CALN1: variants seen among roughly 807,000 people sequenced by gnomAD.
CALN1 encodes the protein calcium-binding protein 8.
A neutral mutation model predicts 30.6 loss-of-function variants in CALN1; 17 were observed. The observed-to-expected ratio is 0.56, with a 90% confidence interval of 0.38 to 0.83. The LOEUF (loss-of-function observed/expected upper bound fraction) is 0.83. CALN1 is among the 40% of genes least tolerant of loss of function. The pLI is 0.00. For missense variants in CALN1, 291 were observed against 354.9 expected, an observed-to-expected ratio of 0.82 and a Z score of 1.45; for synonymous variants, 156 against 131.4, an observed-to-expected ratio of 1.19 and a Z score of -1.28.
chr7:72,054,460 T>TATATACATACATATATATATAC (rs1450817880), intron 4 of CALN1, among the ~76,000 whole-genome samples: 23 of 78,554 alleles, frequency 2.9e-4, no homozygotes, highest in Non-Finnish European at 6.5e-4. Flanking sequence ...TATATATACA[T>TATATACATACATATATATATAC]ATATATACAT....
At chr7:71,933,467 G>A (rs911463484) in intron 5 of CALN1, among the ~76,000 whole-genome samples, 3 of 152,020 alleles carry the variant, frequency 2.0e-5, no homozygotes, top group Admixed American at 6.6e-5. Context: ...TTAAACCTCC[G>A]CTCCTAAACT....
chr7:72,217,989 C>T (rs1792968426), intron 3 of CALN1, among the ~76,000 whole-genome samples: 1 of 151,308 alleles, frequency 6.6e-6, no homozygotes, highest in Admixed American at 6.6e-5. Context: ...ACTACAGGTG[C>T]CTGCCACTGC....
chr7:72,045,983 C>T (rs964664986), intron 4 of CALN1, among the ~76,000 whole-genome samples: 3 of 124,832 alleles, frequency 2.4e-5, no homozygotes, highest in South Asian at 2.6e-4. Flanking sequence ...TGGGCAACAG[C>T]GAGACTCCCT....
At chr7:72,300,534 T>C (rs1799185135) in intron 2 of CALN1, among the ~76,000 whole-genome samples, 1 of 152,202 alleles carries the variant, frequency 6.6e-6, no homozygotes, top group African/African-American at 2.4e-5. Flanking sequence ...TTTAATGACA[T>C]CCAAACATCT....
At chr7:72,258,457 C>G (rs1372798537) in intron 3 of CALN1, among the ~76,000 whole-genome samples, 1 of 152,192 alleles carries the variant, frequency 6.6e-6, no homozygotes, top group East Asian at 1.9e-4. Flanking sequence ...AAGAGAAGAA[C>G]TCCATCAATC....
At chr7:72,341,869 G>A (rs1454963642) in intron 2 of CALN1, among the ~76,000 whole-genome samples, 1 of 152,010 alleles carries the variant, frequency 6.6e-6, no homozygotes. Flanking sequence ...CAAGTGAATA[G>A]TCAACACAAA....
chr7:72,395,686 G>A (rs563883371), intron 2 of CALN1, among the ~76,000 whole-genome samples: 2 of 152,146 alleles, frequency 1.3e-5, no homozygotes, highest in Non-Finnish European at 2.9e-5. Flanking sequence ...CTCCAGGAGG[G>A]TGAAAGAGTG....
intron 5 of CALN1, among the ~76,000 whole-genome samples, chr7:71,922,795 A>G (rs896683581): frequency 9.9e-5 from 14 of 141,448 alleles, no homozygotes; most frequent in African/African-American, 3.4e-4. Context: ...TAACAGACCG[A>G]ATATATTATA....
chr7:72,098,166 A>G (rs1227986628), intron 4 of CALN1, among the ~76,000 whole-genome samples: 1 of 152,176 alleles, frequency 6.6e-6, no homozygotes, highest in Non-Finnish European at 1.5e-5. Flanking sequence ...AGGCTTCCAG[A>G]ATCAGGGCTG....
At chr7:72,179,978 A>G (rs1407155851) in intron 3 of CALN1, among the ~76,000 whole-genome samples, 1 of 152,196 alleles carries the variant, frequency 6.6e-6, no homozygotes, top group Non-Finnish European at 1.5e-5. Context: ...TGTCTCACAA[A>G]GGTCATTTTA....
At chr7:72,038,142 G>T (rs1471305627) in intron 4 of CALN1, among the ~76,000 whole-genome samples, 1 of 151,848 alleles carries the variant, frequency 6.6e-6, no homozygotes, top group East Asian at 2.0e-4. Context: ...GATATTTGGA[G>T]AACAGGATGT....
chr7:72,310,925 A>AC (rs1317965728), intron 2 of CALN1, among the ~76,000 whole-genome samples: 4 of 149,064 alleles, frequency 2.7e-5, no homozygotes, highest in Admixed American at 6.7e-5. Flanking sequence ...AAAAAAAAAA[A>AC]AAACAAAAAT....
the CALN1 span, among the ~76,000 whole-genome samples, chr7:72,455,887 C>G: frequency 6.6e-5 from 10 of 152,100 alleles, no homozygotes; most frequent in Non-Finnish European, 1.3e-4. Flanking sequence ...GGGGAAGCCA[C>G]TATAGGGCTA....
At chr7:72,308,367 G>C (rs939482690) in intron 2 of CALN1, among the ~76,000 whole-genome samples, 2 of 102,874 alleles carry the variant, frequency 1.9e-5, no homozygotes, top group East Asian at 3.0e-4. Flanking sequence ...CTGTCTGTGG[G>C]GGGGGGAGAG....
intron 2 of CALN1, among the ~76,000 whole-genome samples, chr7:72,345,453 A>G (rs764266271): frequency 7.7e-4 from 116 of 150,680 alleles, no homozygotes; most frequent in Middle Eastern, 7.0e-3. Context: ...GAGAAAGACA[A>G]AAAGACAAAA....
At chr7:72,239,069 A>T (rs1217859203) in intron 3 of CALN1, among the ~76,000 whole-genome samples, 2 of 152,146 alleles carry the variant, frequency 1.3e-5, no homozygotes, top group Admixed American at 6.6e-5. Context: ...GTACTCCGTG[A>T]CTTCTAAAAT....
chr7:72,471,971 T>C, the CALN1 span, among the ~76,000 whole-genome samples: 1 of 152,138 alleles, frequency 6.6e-6, no homozygotes, highest in Non-Finnish European at 1.5e-5. Context: ...AATATTTTTA[T>C]GTTTTGTAGA....
At chr7:71,926,960 C>T (rs768112211) in intron 5 of CALN1, among the ~76,000 whole-genome samples, 18 of 152,278 alleles carry the variant, frequency 1.2e-4, no homozygotes, top group South Asian at 4.1e-4. Context: ...AGAGTTCAAA[C>T]GTCTTTGTCA....
At chr7:72,419,088 G>A (rs373042220) in intron 1 of CALN1, among the ~76,000 whole-genome samples, 1 of 152,224 alleles carries the variant, frequency 6.6e-6, no homozygotes, top group East Asian at 1.9e-4. Flanking sequence ...GAAACACCAA[G>A]CAGCCAAGAA....
Sources: gnomAD v4.1 joint callset for allele counts (sites outside exome capture counted in the v4.1 genomes callset) on GRCh38, gnomAD v4.1.1 for gene constraint, MANE v1.5 for transcripts, NCBI Gene and HGNC (gene_info 2026-07-23, HGNC 2026-07-21) for gene names.